The following ARL5C variants were observed in gnomAD, a reference collection of about 807,000 sequenced individuals.
The protein encoded by ARL5C is ARF like GTPase 5C.
A neutral mutation model predicts 20.8 loss-of-function variants in ARL5C; 21 were observed. The observed-to-expected ratio is 1.01, with a 90% CI of 0.72 to 1.46. The LOEUF is 1.46. Ranked by LOEUF, ARL5C falls within the 40% of genes most tolerant of loss-of-function variation. The pLI is 0.00. For missense variants in ARL5C, 199 were observed against 225.1 expected (o/e 0.88, Z 0.74); for synonymous variants, 71 against 81.6 (o/e 0.87, Z 0.70).
rs73304948 is a variant in ARL5C, at chr17:39,165,777, G to A, written c.-17C>T. ...CTGTCCCATGGCACTTCCCGGGCCG[G>A]ACAGGTGCAGGAGGGCTCAGCGGCC... On this transcript the variant is annotated 5_prime_UTR_variant, in exon 1 of 6. Coordinates refer to ENST00000269586, the MANE Select transcript of ARL5C (RefSeq NM_001143968.1). 772 of 1,551,762 alleles carry A rather than the reference G, an allele frequency of 5.0e-4. 4 individuals are homozygous for A. The African/African-American group carries it at 9.8e-3, about 20-fold the overall frequency.
At chr17:39,158,615 CA>C (rs35435843) in intron 5 of ARL5C, among the ~76,000 whole-genome samples, 26,447 of 123,482 alleles carry the variant, frequency 0.21, 5,029 homozygotes, top group African/African-American at 0.53. Context: ...GACCCTGCCT[CA>C]AAAAAAAAAA....
rs575079347 is a variant in ARL5C, at chr17:39,165,700, C to G, written c.46+15G>C. The G allele has an allele frequency of 7.1e-6, 11 of 1,551,820 alleles. No homozygotes were observed. In the South Asian group the frequency reaches 1.2e-4, roughly 17 times the overall value. On this transcript the variant is annotated intron_variant, in intron 1 of 5. Coordinates refer to ENST00000269586, the MANE Select transcript of ARL5C (RefSeq NM_001143968.1). The stretch of plus-strand genomic sequence containing the variant: ...AGATCAAAGCGCTCGCTTGGATGCC[C>G]TGTGCGCCCCTTACCCTGGTTCCCG...
chr17:39,161,432 TCTCTGCACTGC>T (rs2045434561), intron 3 of ARL5C, 81 bp from the exon 4 acceptor site: 1 of 1,227,846 alleles, frequency 8.1e-7, no homozygotes, highest in Non-Finnish European at 1.2e-6. Flanking sequence ...TCCCCACTGG[TCTCTGCACTGC>T]CCAGATGTCA....
chr17:39,161,702 C>G (rs142697308), intron 3 of ARL5C, among the ~76,000 whole-genome samples: 9 of 151,896 alleles, frequency 5.9e-5, no homozygotes, highest in African/African-American at 2.2e-4. Flanking sequence ...TTAGTAGAGA[C>G]GGGGTTTCGC....
chr17:39,165,677 ATC>A, intron 1 of ARL5C, 36 bp downstream of exon 1: 1 of 1,551,554 alleles, frequency 6.4e-7, no homozygotes, highest in South Asian at 1.2e-5. Context: ...AGAGGGCGAG[ATC>A]AAAGCGCTCG....
At position 39,162,770 on chromosome 17, in the gene ARL5C, C is replaced by T; in HGVS notation, c.196G>A (p.Asp66Asn). The change falls in exon 3 of 6, where the codon GAC becomes AAC. Residue 66 changes from aspartate (D) to asparagine (N), a missense_variant. Physicochemically the swap from Asp to Asn is conservative, Grantham distance 23. Coordinates refer to ENST00000269586, the MANE Select transcript of ARL5C (RefSeq NM_001143968.1). ...CTCAGAGCCTCAGGTCTCACTATGT[C>T]CCACATGAAGAAGTGGGTCTTCGGC... ...ILPKTHFFMW[D>N]IVRPEALSFI... The T allele has an allele frequency of 6.4e-7, 1 of 1,551,674 alleles. No homozygotes were observed. The highest frequency in any genetic ancestry group is 1.2e-5 in the South Asian group (1 of 84,050).
At chr17:39,159,207 T>G (rs890166254) in intron 5 of ARL5C, among the ~76,000 whole-genome samples, 30 of 148,162 alleles carry the variant, frequency 2.0e-4, no homozygotes, top group Admixed American at 2.7e-4. Flanking sequence ...GTTTTTTTTT[T>G]TTTTTTTTTT....
intron 5 of ARL5C, among the ~76,000 whole-genome samples, chr17:39,159,340 A>G (rs144626229): frequency 0.025 from 3,394 of 135,882 alleles, 50 homozygotes; most frequent in South Asian, 0.042. Context: ...CTTGTTGCCC[A>G]GGCTGGAGTG....
intron 5 of ARL5C, among the ~76,000 whole-genome samples, chr17:39,157,862 G>A (rs2045413386): frequency 1.3e-5 from 2 of 151,880 alleles, no homozygotes; most frequent in South Asian, 4.2e-4. Context: ...GGGAGGCCGA[G>A]GCGGGCGGAT....
chr17:39,158,634 A>T (rs1047268949), intron 5 of ARL5C, among the ~76,000 whole-genome samples: 2 of 150,654 alleles, frequency 1.3e-5, no homozygotes, highest in African/African-American at 4.9e-5. Flanking sequence ...AAAAAAAGAT[A>T]CCTGTGTGCC....
At position 39,156,895 on chromosome 17, in the gene ARL5C, C is replaced by G; in HGVS notation, c.539G>C (p.Ter180SerextTer?). 6.4e-7 allele frequency: 1 copy of G among 1,551,836 alleles called. No homozygotes were observed. Among genetic ancestry groups the G allele is most frequent in the Non-Finnish European group, 8.7e-7 (1 of 1,146,980 alleles). The stretch of plus-strand genomic sequence containing the variant: ...TCTGGTTGACCTCAGACTGGAACAT[C>G]AGTTAGCAGCGGCCTGAGATTCCAT... ...QWMESQAAAN[*>S] Residue 180 changes from the stop codon to serine (S), a stop_lost, in exon 6 of 6, where the codon TGA becomes TCA. Coordinates refer to ENST00000269586, the MANE Select transcript of ARL5C (RefSeq NM_001143968.1).
intron 5 of ARL5C, among the ~76,000 whole-genome samples, chr17:39,157,619 G>C (rs2045411767): frequency 1.3e-5 from 2 of 151,576 alleles, no homozygotes; most frequent in Admixed American, 1.3e-4. Flanking sequence ...GAGAAAGCCC[G>C]TCTCTACTAG....
rs1253682282 is a variant in ARL5C at position 39,161,323 on chromosome 17, T to C, written c.284A>G (p.Asp95Gly). 3 of 1,551,852 alleles carry C rather than the reference T, an allele frequency of 1.9e-6. No homozygotes were observed. Among genetic ancestry groups the C allele is most frequent in the South Asian group, 1.2e-5 (1 of 84,052 alleles). ...CCGAGTGGTCAGCAGCCGATCCCGG[T>C]CCGTGCTGTCAATCACAAGGATGAT... ...EFIILVIDSTDRDRLLTTREE... is the reference protein window; with the variant it reads ...EFIILVIDSTGRDRLLTTREE... The change falls in exon 4 of 6, where the codon GAC becomes GGC. Residue 95 changes from aspartate to glycine, a missense_variant. Physicochemically the swap from Asp to Gly is moderately conservative, Grantham distance 94. Coordinates refer to ENST00000269586, the MANE Select transcript of ARL5C (RefSeq NM_001143968.1).
At position 39,164,949 on chromosome 17, in the gene ARL5C, G is replaced by A; in HGVS notation, c.107+130C>T. 3.4e-6 allele frequency: 3 copies of A among 880,044 alleles called. No homozygotes were observed. The South Asian group carries it at 4.7e-5, about 14-fold the overall frequency. 54.5% of individuals were successfully genotyped at this position (880,044 alleles called of 1,614,324 possible). ...GCAGTACTAGGAAGGTCCAAGCAGC[G>A]TGCCCAATCGCTCCTCCGGACTACA... On this transcript the variant is annotated intron_variant, in intron 2 of 5. Transcript: ENST00000269586.
chr17:39,162,739 A>C lies in ARL5C; in HGVS notation c.227T>G (p.Ile76Ser). The part of the protein sequence containing the change: ...DIVRPEALSF[I>S]WNTYYSNTEF... ...AGTGTTGGAGTAGTATGTGTTCCAG[A>C]TAAAGCTCAGAGCCTCAGGTCTCAC... The change falls in exon 3 of 6, where the codon ATC (isoleucine) becomes AGC (serine). Residue 76 changes from isoleucine (I) to serine (S), a missense_variant. Transcript: ENST00000269586. 1 of 1,551,732 alleles carries C rather than the reference A, an allele frequency of 6.4e-7. No individual in the cohort carries two copies. The highest frequency in any genetic ancestry group is 8.7e-7 in the Non-Finnish European group (1 of 1,146,986).
intron 5 of ARL5C, among the ~76,000 whole-genome samples, chr17:39,157,855 A>G (rs1323801533): frequency 4.6e-5 from 7 of 150,828 alleles, no homozygotes; most frequent in Non-Finnish European, 8.8e-5. Context: ...GCACTTTGGG[A>G]GGCCGAGGCG....
chr17:39,160,765 C>T (rs1567780613), intron 4 of ARL5C, 23 bp from the exon 5 acceptor site: 1 of 1,549,376 alleles, frequency 6.5e-7, no homozygotes, highest in South Asian at 1.2e-5. Flanking sequence ...GAGCCCAGCC[C>T]CAGTCAGCCT....
chr17:39,165,792 G>A lies in ARL5C; in HGVS notation c.-32C>T. The A allele has an allele frequency of 6.4e-7, 1 of 1,551,426 alleles. No individual in the cohort carries two copies. Among genetic ancestry groups the A allele is most frequent in the Non-Finnish European group, 8.7e-7 (1 of 1,146,886 alleles). ...TCCCGGGCCGGACAGGTGCAGGAGG[G>A]CTCAGCGGCCTCAGGAGCGGAGTCG... On this transcript the variant is annotated 5_prime_UTR_variant, in exon 1 of 6. Coordinates refer to ENST00000269586, the MANE Select transcript of ARL5C (RefSeq NM_001143968.1).
At chr17:39,159,022 GTTTTTTTTTT>G (rs869126572) in intron 5 of ARL5C, among the ~76,000 whole-genome samples, 5 of 52,468 alleles carry the variant, frequency 9.5e-5, no homozygotes, top group Admixed American at 2.7e-4. Context: ...TTTATCACTT[GTTTTTTTTTT>G]TTTTTTTTTT....
Sources: allele counts gnomAD v4.1 joint callset (sites outside exome capture counted in the v4.1 genomes callset), GRCh38; gene constraint gnomAD v4.1.1; transcripts MANE v1.5; gene names NCBI Gene and HGNC (gene_info 2026-07-23, HGNC 2026-07-21).